The following TRPM3 variants were observed in gnomAD, a reference collection of about 807,000 sequenced individuals.
The protein encoded by TRPM3 is transient receptor potential cation channel subfamily M member 3.
Under a neutral mutation model 181.2 loss-of-function variants are expected in TRPM3, and 77 were observed. The ratio of observed to expected loss-of-function variants is 0.42; its 90% CI spans 0.35 to 0.51. The LOEUF (loss-of-function observed/expected upper bound fraction) is 0.51. Among genes scored for constraint, TRPM3 ranks in the 20% least tolerant of loss-of-function variants. TRPM3 has a pLI of 0.01. For missense variants in TRPM3, 1,759 were observed against 2,196.7 expected (o/e 0.80, Z 3.98); for synonymous variants, 745 against 796.4 (o/e 0.94, Z 1.09).
chr9:71,327,202 T>A (rs1343918076), intron 1 of TRPM3, among the ~76,000 whole-genome samples: 1 of 152,242 alleles, frequency 6.6e-6, no homozygotes, highest in Admixed American at 6.5e-5. Context: ...AAAGATACTT[T>A]AGATTTGATT....
At chr9:70,915,464 ATTTTT>A (rs766229481) in intron 1 of TRPM3, among the ~76,000 whole-genome samples, 1 of 141,598 alleles carries the variant, frequency 7.1e-6, no homozygotes, top group Non-Finnish European at 1.5e-5. Flanking sequence ...TGCCCGGCTA[ATTTTT>A]TTTTTTTTTT....
At chr9:70,971,167 T>G (rs1220975549) in intron 1 of TRPM3, among the ~76,000 whole-genome samples, 2 of 152,188 alleles carry the variant, frequency 1.3e-5, no homozygotes, top group African/African-American at 4.8e-5. Flanking sequence ...AAATGCCGAC[T>G]GTAAAGGATT....
At chr9:70,754,304 G>A (rs2135147374) in intron 8 of TRPM3, among the ~76,000 whole-genome samples, 1 of 152,266 alleles carries the variant, frequency 6.6e-6, no homozygotes, top group Middle Eastern at 3.4e-3. Flanking sequence ...ATAATAGAGA[G>A]ACATCTGATC....
intron 1 of TRPM3, among the ~76,000 whole-genome samples, chr9:71,030,426 A>C (rs1047306619): frequency 6.6e-6 from 1 of 152,014 alleles, no homozygotes; most frequent in Non-Finnish European, 1.5e-5. Context: ...TTAGCTAAGC[A>C]TGGTGGCTGA....
At chr9:70,601,728 G>C (rs1159760682) in intron 20 of TRPM3, among the ~76,000 whole-genome samples, 1 of 152,144 alleles carries the variant, frequency 6.6e-6, no homozygotes, top group Non-Finnish European at 1.5e-5. Flanking sequence ...TCCAGGCCTC[G>C]AGGCTCCTGG....
At chr9:70,937,191 G>C (rs1420147939) in intron 1 of TRPM3, among the ~76,000 whole-genome samples, 1 of 152,126 alleles carries the variant, frequency 6.6e-6, no homozygotes, top group Non-Finnish European at 1.5e-5. Context: ...TTTCAAAGTA[G>C]CTAGTTAAAA....
At chr9:70,801,323 C>T (rs2088938494) in intron 6 of TRPM3, among the ~76,000 whole-genome samples, 1 of 152,148 alleles carries the variant, frequency 6.6e-6, no homozygotes, top group African/African-American at 2.4e-5. Flanking sequence ...ACCGTTGCCC[C>T]TCCCTGGTTT....
chr9:71,126,865 A>T (rs186980028), intron 1 of TRPM3, among the ~76,000 whole-genome samples: 1 of 152,312 alleles, frequency 6.6e-6, no homozygotes, highest in East Asian at 1.9e-4. Flanking sequence ...ATGATTGTAC[A>T]GTTCTGGTTG....
chr9:71,411,625 A>C (rs2093551487), intron 1 of TRPM3, among the ~76,000 whole-genome samples: 1 of 152,200 alleles, frequency 6.6e-6, no homozygotes, highest in South Asian at 2.1e-4. Flanking sequence ...TGAACATTCC[A>C]TGCTCATGGA....
At chr9:71,164,494 G>C (rs2076437211) in intron 1 of TRPM3, among the ~76,000 whole-genome samples, 1 of 152,250 alleles carries the variant, frequency 6.6e-6, no homozygotes, top group East Asian at 1.9e-4. Context: ...TGCTCCCAGA[G>C]AGTAGAGACT....
At chr9:70,982,847 C>G (rs7849215) in intron 1 of TRPM3, among the ~76,000 whole-genome samples, 1 of 151,642 alleles carries the variant, frequency 6.6e-6, no homozygotes, top group African/African-American at 2.4e-5. Context: ...ATTACAGGTG[C>G]CCGCCACCAC....
chr9:70,686,521 G>A lies in TRPM3; in HGVS notation c.1273-4943C>T, dbSNP rs1252894388. Among the ~76,000 whole-genome samples, 4 of 151,930 alleles carry A rather than the reference G, an allele frequency of 2.6e-5. No individual in the cohort carries two copies. The South Asian group carries it at 6.2e-4, about 24-fold the overall frequency. On this transcript the variant is annotated intron_variant, in intron 8 of 25. Coordinates refer to ENST00000677713, the MANE Select transcript of TRPM3 (RefSeq NM_001366145.2). Reference sequence around the variant, plus strand: ...CCTGCCTTTATTTTGATCCTGTATGGTAACTGAAATAACTGTTCATAGTGT... The same window carrying A: ...CCTGCCTTTATTTTGATCCTGTATGATAACTGAAATAACTGTTCATAGTGT...
At chr9:71,047,370 A>T (rs1434819556) in intron 1 of TRPM3, among the ~76,000 whole-genome samples, 1 of 152,206 alleles carries the variant, frequency 6.6e-6, no homozygotes, top group Non-Finnish European at 1.5e-5. Flanking sequence ...AAGCACTCAT[A>T]TCCTCTAGCC....
intron 18 of TRPM3, among the ~76,000 whole-genome samples, chr9:70,613,489 A>T (rs577130994): frequency 2.0e-5 from 3 of 152,224 alleles, no homozygotes; most frequent in African/African-American, 7.2e-5. Context: ...TATCAATCCC[A>T]TAAAAGGAGG....
At chr9:71,369,016 T>C (rs1363611585) in intron 1 of TRPM3, among the ~76,000 whole-genome samples, 1 of 151,990 alleles carries the variant, frequency 6.6e-6, no homozygotes, top group African/African-American at 2.4e-5. Context: ...ATGCAGAAAA[T>C]GCCATGCTTA....
intron 1 of TRPM3, among the ~76,000 whole-genome samples, chr9:71,406,469 C>T (rs1383907842): frequency 6.6e-6 from 1 of 152,124 alleles, no homozygotes; most frequent in Non-Finnish European, 1.5e-5. Flanking sequence ...TTAGCTAAGG[C>T]CCACCTTCCT....
intron 1 of TRPM3, among the ~76,000 whole-genome samples, chr9:71,128,205 G>C (rs541485390): frequency 6.6e-6 from 1 of 152,126 alleles, no homozygotes; most frequent in South Asian, 2.1e-4. Context: ...GGTTATGAGA[G>C]GGAATCATAT....
intron 12 of TRPM3, among the ~76,000 whole-genome samples, chr9:70,631,649 A>G (rs1011820467): frequency 4.6e-5 from 7 of 152,224 alleles, no homozygotes; most frequent in African/African-American, 1.7e-4. Context: ...ATATGAGAGC[A>G]TTGGTACATT....
At chr9:70,853,916 G>A (rs10118762) in intron 3 of TRPM3, among the ~76,000 whole-genome samples, 122,642 of 152,172 alleles carry the variant, frequency 0.81, 50,023 homozygotes, top group African/African-American at 0.91. Flanking sequence ...AATTAAAACC[G>A]AGGGATAAAA....
Sources: gnomAD v4.1 joint callset for allele counts (sites outside exome capture counted in the v4.1 genomes callset) on GRCh38, gnomAD v4.1.1 for gene constraint, MANE v1.5 for transcripts, NCBI Gene and HGNC (gene_info 2026-07-23, HGNC 2026-07-21) for gene names.